POLD1: variants seen among roughly 807,000 people sequenced by gnomAD.
POLD1 encodes the protein DNA polymerase delta catalytic subunit.
In POLD1, 79 loss-of-function variants were observed where a neutral mutation model predicts 129.7. That is an observed-to-expected ratio of 0.61 (90% confidence interval 0.51 to 0.73). The LOEUF (loss-of-function observed/expected upper bound fraction) is 0.73, where lower values mean the gene tolerates loss of function less well. POLD1 is among the 30% of genes least tolerant of loss of function. The pLI is 0.00. For synonymous variants in POLD1, 714 were observed against 683.3 expected (o/e 1.04, Z -0.70); for missense variants, 1,338 against 1,595.8 (o/e 0.84, Z 2.75).
chr19:50,409,670 G>A lies in POLD1; in HGVS notation c.2154+4G>A, dbSNP rs373416476. 7 of 1,595,126 alleles carry A rather than the reference G, an allele frequency of 4.4e-6. No homozygotes were observed. Among genetic ancestry groups the A allele is most frequent in the Non-Finnish European group, 6.0e-6 (7 of 1,167,974 alleles). On this transcript the variant is annotated splice_donor_region_variant and intron_variant, in intron 17 of 26. Coordinates refer to ENST00000440232, the MANE Select transcript of POLD1 (RefSeq NM_002691.4). The surrounding 1 kb of genome is among the most constrained non-coding windows in gnomAD (Gnocchi z 5.8). Reference sequence around the variant, plus strand: ...GCCGTGCCTGGAGATCTCACAGGTGGGCACTCGGGCCCCTGGAAGGCAACT... The same window carrying A: ...GCCGTGCCTGGAGATCTCACAGGTGAGCACTCGGGCCCCTGGAAGGCAACT...
Position 50,398,880 on chromosome 19 carries a change from G to A in POLD1, c.29G>A (p.Gly10Glu). The change falls in exon 2 of 27, where the codon GGG becomes GAG. Residue 10 changes from glycine (G) to glutamate (E), a missense_variant. This residue lies in a region of POLD1 where 332 missense variants were observed against 315.7 expected (regional missense o/e 1.05). Coordinates refer to ENST00000440232, the MANE Select transcript of POLD1 (RefSeq NM_002691.4). ...GATGGCAAGCGGCGGCCAGGCCCAGGGCCCGGGGTGCCCCCAAAGCGGGCC... is the reference window on the plus strand; with the variant it reads ...GATGGCAAGCGGCGGCCAGGCCCAGAGCCCGGGGTGCCCCCAAAGCGGGCC... Reference protein sequence around the residue: MDGKRRPGPGPGVPPKRARG... With the variant: MDGKRRPGPEPGVPPKRARG... The A allele has an allele frequency of 6.2e-7, 1 of 1,607,702 alleles. No individual in the cohort carries two copies. The highest frequency in any genetic ancestry group is 1.1e-5 in the South Asian group (1 of 90,108).
intron 3 of POLD1, among the ~76,000 whole-genome samples, chr19:50,400,991 C>T (rs370565782): frequency 1.7e-4 from 26 of 151,848 alleles, no homozygotes; most frequent in Admixed American, 4.6e-4. Flanking sequence ...CCACCGCGCC[C>T]GGCCTGGCTA....
chr19:50,399,696 G>T (rs766533676), intron 3 of POLD1, among the ~76,000 whole-genome samples: 10 of 152,176 alleles, frequency 6.6e-5, no homozygotes, highest in Admixed American at 5.9e-4. Flanking sequence ...GGTGACACAG[G>T]GTCAGCTTGA....
chr19:50,417,730 G>A, intron 26 of POLD1, 112 bp from the exon 27 acceptor site: 1 of 661,902 alleles, frequency 1.5e-6, no homozygotes, highest in Non-Finnish European at 2.7e-6. Flanking sequence ...GAGGGGGCGG[G>A]TGGGCTGGGC....
At chr19:50,403,867 A>G (rs975452595) in intron 10 of POLD1, among the ~76,000 whole-genome samples, 1 of 152,184 alleles carries the variant, frequency 6.6e-6, no homozygotes, top group African/African-American at 2.4e-5. Flanking sequence ...CAGGGGTTCA[A>G]CAAGCCATGA....
Position 50,401,803 on chromosome 19 carries a change from G to A in POLD1, c.342G>A (p.Gly114=), listed in dbSNP as rs746973225. 4 of 1,612,932 alleles carry A rather than the reference G, an allele frequency of 2.5e-6. No homozygotes were observed. In the African/African-American group the frequency reaches 4.0e-5, roughly 16 times the overall value. Residue 114 remains glycine, a synonymous_variant, in exon 4 of 27, where the codon GGG becomes GGA. Coordinates refer to ENST00000440232, the MANE Select transcript of POLD1 (RefSeq NM_002691.4). ...GCCCAGCGCAGCCTGTGCCTGGGGGGCCCCCACCATCCCGCGGCTCCGTGC... is the reference window on the plus strand; with the variant it reads ...GCCCAGCGCAGCCTGTGCCTGGGGGACCCCCACCATCCCGCGGCTCCGTGC... ...YVGPAQPVPG[G]PPPSRGSVPV... is the part of the protein sequence containing the mutation.
At chr19:50,405,829 G>A (rs897380924) in intron 10 of POLD1, among the ~76,000 whole-genome samples, 1 of 152,090 alleles carries the variant, frequency 6.6e-6, no homozygotes, top group African/African-American at 2.4e-5. Flanking sequence ...CCAGCTCCAC[G>A]CCGCCTCCTG....
chr19:50,398,493 C>G (rs1308448165), intron 1 of POLD1, among the ~76,000 whole-genome samples: 1 of 135,246 alleles, frequency 7.4e-6, no homozygotes, highest in Non-Finnish European at 1.5e-5. Flanking sequence ...TCGCTTGAAC[C>G]TGGGAGGTAG....
chr19:50,400,522 ATTTTTTTTTTTTTTTT>A (rs1016107364), intron 3 of POLD1, among the ~76,000 whole-genome samples: 1 of 63,518 alleles, frequency 1.6e-5, no homozygotes, highest in Non-Finnish European at 2.8e-5. Context: ...TGCCCCGCCT[ATTTTTTTTTTTTTTTT>A]TTTTTTTTTT....
chr19:50,415,080 C>T (rs2039228554), intron 20 of POLD1, 90 bp downstream of exon 20: 1 of 1,243,346 alleles, frequency 8.0e-7, no homozygotes. Context: ...AGCCCCTCCT[C>T]CCTCAGACCC....
intron 14 of POLD1, among the ~76,000 whole-genome samples, chr19:50,407,993 G>A (rs968830647): frequency 1.3e-5 from 2 of 151,696 alleles, no homozygotes; most frequent in Non-Finnish European, 2.9e-5. Context: ...CGATGATTGC[G>A]CCACTGCCCT....
At chr19:50,417,792 G>A (rs1391057654) in intron 26 of POLD1, 50 bp from the exon 27 acceptor site, 2 of 1,178,760 alleles carry the variant, frequency 1.7e-6, no homozygotes, top group Non-Finnish European at 2.5e-6. Context: ...CTCCCAGGCT[G>A]GGCACTGGGC....
rs73935707 is a variant in POLD1, at chr19:50,393,104, G to A, written c.-1-5747G>A. Among the ~76,000 whole-genome samples the A allele has an allele frequency of 8.9e-3, 1,362 of 152,196 alleles. 21 individuals are homozygous for A. Among genetic ancestry groups the A allele is most frequent in the African/African-American group, 0.03 (1,251 of 41,512 alleles). ...TCTTATGTGATAATATATCTACAGT[G>A]TACGTCCCTAGATGTGGAATTGAGC... is the stretch of plus-strand genomic sequence containing the variant. On this transcript the variant is annotated intron_variant, in intron 1 of 26. Transcript: ENST00000440232.
chr19:50,389,892 T>C (rs1253473047), intron 1 of POLD1, among the ~76,000 whole-genome samples: 3 of 151,442 alleles, frequency 2.0e-5, no homozygotes, highest in African/African-American at 7.3e-5. Context: ...AGCCTGTTTT[T>C]TTTTTTGTTT....
chr19:50,389,457 C>T lies in POLD1; in HGVS notation c.-2+5067C>T, dbSNP rs554794898. ...AGCTCTTAAGAACAGGGATGTCCGC[C>T]TGCAGAACTACAGTGTCATTGTCAT... On this transcript the variant is annotated intron_variant, in intron 1 of 26. Transcript: ENST00000440232. 3.9e-5 allele frequency among the ~76,000 whole-genome samples: 6 copies of T among 152,224 alleles called. No homozygotes were observed. The East Asian group carries it at 1.2e-3, about 29-fold the overall frequency.
chr19:50,412,086 C>T (rs1482000424), intron 17 of POLD1, among the ~76,000 whole-genome samples: 1 of 152,194 alleles, frequency 6.6e-6, no homozygotes, highest in Non-Finnish European at 1.5e-5. Context: ...GTTTGAGTTA[C>T]AGTAAGCTGT....
rs761142119 is a variant in POLD1, at chr19:50,409,528, C to T, written c.2016C>T (p.Ala672=). Residue 672 remains alanine (A), a synonymous_variant, in exon 17 of 27, where the codon GCC becomes GCT. Coordinates refer to ENST00000440232, the MANE Select transcript of POLD1 (RefSeq NM_002691.4). The surrounding 1 kb of genome is among the most constrained non-coding windows in gnomAD (Gnocchi z 5.8). ...CCGTGTTCCCTCGCAGGGCCAAGGC[C>T]GAGCTGGCCAAGGAGACAGACCCCC... ...NLLSARKRAK[A]ELAKETDPLR... is the part of the protein sequence containing the mutation. 35 of 1,613,446 alleles carry T rather than the reference C, an allele frequency of 2.2e-5. No homozygotes were observed. The highest frequency in any genetic ancestry group is 8.3e-5 in the Admixed American group (5 of 60,010).
At chr19:50,416,778 C>A in intron 24 of POLD1, 55 bp downstream of exon 24, 1 of 1,344,548 alleles carries the variant, frequency 7.4e-7, no homozygotes, top group Non-Finnish European at 1.0e-6. Context: ...TCTGCCGTCA[C>A]CCCAGATCCT....
chr19:50,417,183 G>A lies in POLD1; in HGVS notation c.3132G>A (p.Leu1044=), dbSNP rs765926891. The change falls in exon 26 of 27, where the codon CTG becomes CTA. Residue 1044 remains leucine, a synonymous_variant. Coordinates refer to ENST00000440232, the MANE Select transcript of POLD1 (RefSeq NM_002691.4). ...SELYQKEVSH[L]NALEERFSRL... is the part of the protein sequence containing the mutation. Reference sequence around the variant, plus strand: ...GCTGCCGTCCCCAGGTATCCCATCTGAATGCCCTGGAGGAGCGCTTCTCGC... The same window carrying A: ...GCTGCCGTCCCCAGGTATCCCATCTAAATGCCCTGGAGGAGCGCTTCTCGC... The A allele has an allele frequency of 1.9e-6, 3 of 1,605,648 alleles. No homozygotes were observed. Among genetic ancestry groups the A allele is most frequent in the Non-Finnish European group, 2.5e-6 (3 of 1,177,012 alleles).
Sources: allele counts gnomAD v4.1 joint callset (sites outside exome capture counted in the v4.1 genomes callset), GRCh38; gene constraint gnomAD v4.1.1; regional missense constraint gnomAD v4.1.1; non-coding constraint Gnocchi (gnomAD v3.1); transcripts MANE v1.5; gene names NCBI Gene and HGNC (gene_info 2026-07-23, HGNC 2026-07-21).